CHD8: variants seen among roughly 807,000 people sequenced by gnomAD.
CHD8 encodes the protein chromodomain helicase DNA binding protein 8.
Under a neutral mutation model 279.2 loss-of-function variants are expected in CHD8, and 31 were observed. The ratio of observed to expected loss-of-function variants is 0.11; its 90% CI spans 0.08 to 0.15. The LOEUF (loss-of-function observed/expected upper bound fraction) is 0.15. Ranked by LOEUF, CHD8 falls within the 10% of genes least tolerant of loss-of-function variation. The pLI is 1.00. For synonymous variants in CHD8, 1,081 were observed against 1,139.6 expected (o/e 0.95, Z 1.04); for missense variants, 2,146 against 3,230.5 (o/e 0.66, Z 8.14).
chr14:21,450,829 A>G (rs1429337093), intron 1 of CHD8, among the ~76,000 whole-genome samples: 1 of 152,182 alleles, frequency 6.6e-6, no homozygotes, highest in Non-Finnish European at 1.5e-5. Flanking sequence ...AAAAGGTGTT[A>G]TTAGGAAATT....
At position 21,395,137 on chromosome 14, in the gene CHD8, G is replaced by A. The variant is rs1566415337; in HGVS notation, c.5183-18C>T. On this transcript the variant is annotated intron_variant, in intron 29 of 37. Transcript: ENST00000646647. ...CACCTGGGCTGTGGAAAACAAAGTA[G>A]AATGAATAGGAAGTATAGCAAGGGT... 6.2e-7 allele frequency: 1 copy of A among 1,608,036 alleles called. No individual in the cohort carries two copies.
chr14:21,385,309 A>C lies in CHD8; in HGVS notation c.*304T>G. 2 of 355,148 alleles carry C rather than the reference A, an allele frequency of 5.6e-6. No homozygotes were observed. The highest frequency in any genetic ancestry group is 1.0e-5 in the Non-Finnish European group (2 of 196,416). 22.0% of individuals were successfully genotyped at this position (355,148 alleles called of 1,614,324 possible). A position where few individuals can be genotyped will look rare whatever the true frequency, so the allele number is the denominator to read the frequency against. ...ACAGGCTCTGCCAGAGGCTAGGGCC[A>C]GCGCTACATAGTCTGTGGTTAATGG... On this transcript the variant is annotated 3_prime_UTR_variant, in exon 38 of 38. Transcript: ENST00000646647.
chr14:21,434,943 A>G (rs1889718305), intron 1 of CHD8, among the ~76,000 whole-genome samples: 1 of 152,172 alleles, frequency 6.6e-6, no homozygotes, highest in Non-Finnish European at 1.5e-5. Context: ...CAACCATCTC[A>G]TGAATTCTCT....
chr14:21,441,067 A>C (rs1889947420), intron 1 of CHD8, among the ~76,000 whole-genome samples: 1 of 152,282 alleles, frequency 6.6e-6, no homozygotes, highest in South Asian at 2.1e-4. Context: ...GGAAGTATGC[A>C]TGCACATGAC....
rs1285499827 is a variant in CHD8 at position 21,429,100 on chromosome 14, G to A, written c.1079C>T (p.Ser360Leu). The A allele has an allele frequency of 6.8e-6, 11 of 1,613,836 alleles. No homozygotes were observed. Among genetic ancestry groups the A allele is most frequent in the East Asian group, 2.2e-5 (1 of 44,894 alleles). Residue 360 changes from serine (S) to leucine (L), a missense_variant, in exon 3 of 38, where the codon TCG (serine) becomes TTG (leucine). This residue lies in a region of CHD8 where 170 missense variants were observed against 189.9 expected (regional missense o/e 0.90). Coordinates refer to ENST00000646647, the MANE Select transcript of CHD8 (RefSeq NM_001170629.2). ...GGGTGGCTGCTGGGGCTGTGGCTGC[G>A]ATGATGGTGGTTGTGGTACAATCTG... ...KIQIVPQPPS[S>L]QPQPQQPPST...
intron 1 of CHD8, among the ~76,000 whole-genome samples, chr14:21,441,654 C>A (rs559702660): frequency 6.6e-6 from 1 of 151,446 alleles, no homozygotes; most frequent in Non-Finnish European, 1.5e-5. Context: ...TTTGGGAGGC[C>A]AAGGCGGGCA....
In CHD8 at chr14:21,413,078, G is replaced by T. The variant is rs893970531; in HGVS notation, c.2143-82C>A. 23 of 805,474 alleles carry T rather than the reference G, an allele frequency of 2.9e-5. No individual in the cohort carries two copies. In the African/African-American group the frequency reaches 3.6e-4, roughly 13 times the overall value. The allele number at this position is 805,474 out of a possible 1,614,324, so 49.9% of individuals were successfully genotyped here. On this transcript the variant is annotated intron_variant, in intron 9 of 37. Transcript: ENST00000646647. ...ACTCCTCTACCTCACCTTTAGCAGA[G>T]AATCCTACTTCAAAATTTTTAAAGA...
chr14:21,443,400 G>A (rs528508762), intron 1 of CHD8, among the ~76,000 whole-genome samples: 1 of 152,070 alleles, frequency 6.6e-6, no homozygotes, highest in East Asian at 1.9e-4. Context: ...AGGAACCCAG[G>A]AGAACAACAG....
chr14:21,440,532 G>A (rs2139560968), intron 1 of CHD8, among the ~76,000 whole-genome samples: 1 of 152,174 alleles, frequency 6.6e-6, no homozygotes, highest in African/African-American at 2.4e-5. Context: ...TAAACAATGA[G>A]GAAAAGTTAC....
At chr14:21,413,799 C>T (rs959316374) in intron 9 of CHD8, 2 of 153,832 alleles carry the variant, frequency 1.3e-5, no homozygotes, top group African/African-American at 4.8e-5. Flanking sequence ...CAACATACAA[C>T]CAAAACTACT....
intron 20 of CHD8, 23 bp from the exon 21 acceptor site, chr14:21,401,536 G>A: frequency 1.5e-6 from 2 of 1,361,788 alleles, no homozygotes; most frequent in East Asian, 2.6e-5. Flanking sequence ...AAATGCAGAG[G>A]TAAAGCTGAC....
At chr14:21,450,843 C>T (rs150691279) in intron 1 of CHD8, among the ~76,000 whole-genome samples, 1 of 150,090 alleles carries the variant, frequency 6.7e-6, no homozygotes, top group African/African-American at 2.5e-5. Context: ...GGAAATTACT[C>T]ATCACTGGAA....
At chr14:21,449,851 G>A (rs10137743) in intron 1 of CHD8, among the ~76,000 whole-genome samples, 123,303 of 152,138 alleles carry the variant, frequency 0.81, 51,325 homozygotes, top group South Asian at 0.91. Context: ...TTTCAGGAGC[G>A]TAGTGAAAGG....
At chr14:21,394,787 C>G in intron 30 of CHD8, 125 bp downstream of exon 30, 1 of 1,019,110 alleles carries the variant, frequency 9.8e-7, no homozygotes, top group Non-Finnish European at 1.4e-6. Flanking sequence ...ACAGGTTTAA[C>G]TACCCAAGGC....
chr14:21,392,435 A>G (rs1308965290), intron 34 of CHD8, 72 bp downstream of exon 34: 14 of 1,395,530 alleles, frequency 1.0e-5, no homozygotes, highest in African/African-American at 2.9e-5. Context: ...TTAGTAACCT[A>G]TTAGTAAAAT....
intron 1 of CHD8, among the ~76,000 whole-genome samples, chr14:21,443,304 T>A (rs556898539): frequency 3.1e-4 from 47 of 151,964 alleles, no homozygotes; most frequent in Non-Finnish European, 4.7e-4. Context: ...GGCAGGAGAA[T>A]GGCGTGAACC....
At chr14:21,447,528 C>A (rs754869957) in intron 1 of CHD8, among the ~76,000 whole-genome samples, 2 of 152,052 alleles carry the variant, frequency 1.3e-5, no homozygotes. Context: ...CGCACCACCA[C>A]GTCTAGCTAA....
intron 1 of CHD8, among the ~76,000 whole-genome samples, chr14:21,442,694 G>A (rs1890008043): frequency 9.5e-6 from 1 of 104,878 alleles, no homozygotes. Flanking sequence ...GGGAGGGGAG[G>A]GGAGGAGAGG....
rs898772030 is a variant in CHD8 at position 21,391,338 on chromosome 14, T to C, written c.7065+125A>G. 9 of 899,448 alleles carry C rather than the reference T, an allele frequency of 1.0e-5. No homozygotes were observed. In the African/African-American group the frequency reaches 1.5e-4, roughly 15 times the overall value. 55.7% of individuals were successfully genotyped at this position (899,448 alleles called of 1,614,324 possible). On this transcript the variant is annotated intron_variant, in intron 36 of 37. Transcript: ENST00000646647. ...TGTGAGGTTGGAAGACTGGGTATTA[T>C]TAATTATTACCCTTATCTTGCAGAT...
Sources: allele counts gnomAD v4.1 joint callset (sites outside exome capture counted in the v4.1 genomes callset), GRCh38; gene constraint gnomAD v4.1.1; regional missense constraint gnomAD v4.1.1; transcripts MANE v1.5; gene names NCBI Gene and HGNC (gene_info 2026-07-23, HGNC 2026-07-21).